PRKCH: variants seen among roughly 807,000 people sequenced by gnomAD.
PRKCH encodes the protein protein kinase C eta type.
A neutral mutation model predicts 82.5 loss-of-function variants in PRKCH; 28 were observed. That is an observed-to-expected ratio of 0.34 (90% CI 0.25 to 0.47). The LOEUF is 0.47. Ranked by LOEUF, PRKCH falls within the 20% of genes least tolerant of loss-of-function variation. PRKCH has a pLI of 1.00. For missense variants in PRKCH, 705 were observed against 881.8 expected (o/e 0.80, Z 2.54); for synonymous variants, 322 against 327.4 (o/e 0.98, Z 0.18).
At chr14:61,255,787 G>T (rs1463399967) in intron 1 of PRKCH, among the ~76,000 whole-genome samples, 2 of 152,172 alleles carry the variant, frequency 1.3e-5, no homozygotes, top group East Asian at 3.9e-4. Context: ...CTTCTCACCT[G>T]GTCTAGACTT....
chr14:61,319,485 G>C (rs1408595229), upstream of PRKCH, among the ~76,000 whole-genome samples: 3 of 152,166 alleles, frequency 2.0e-5, no homozygotes, highest in African/African-American at 7.2e-5. Flanking sequence ...ATAGGGTGAA[G>C]ATGGAGTGTC....
Position 61,193,313 on chromosome 14 carries a change from G to A in PRKCH, c.-19+5645G>A, listed in dbSNP as rs112643010. On this transcript the variant is annotated intron_variant, in intron 1 of 3. Transcript: ENST00000555185. ...TTGAAAATGCAGCAAGAATGTAACAGATTTACATTAAAAATATTTTAGTAT... is the reference window on the plus strand; with the variant it reads ...TTGAAAATGCAGCAAGAATGTAACAAATTTACATTAAAAATATTTTAGTAT... 3.8e-3 allele frequency among the ~76,000 whole-genome samples: 579 copies of A among 152,282 alleles called. 3 individuals are homozygous for A. Among genetic ancestry groups the A allele is most frequent in the African/African-American group, 0.013 (549 of 41,554 alleles).
intron 2 of PRKCH, among the ~76,000 whole-genome samples, chr14:61,396,821 C>T (rs1021915683): frequency 4.6e-5 from 7 of 151,948 alleles, no homozygotes; most frequent in Admixed American, 1.3e-4. Flanking sequence ...CCAGAGATTT[C>T]GGAGGGCTTA....
At chr14:61,299,535 T>C (rs942020608) in intron 1 of PRKCH, among the ~76,000 whole-genome samples, 2 of 152,182 alleles carry the variant, frequency 1.3e-5, no homozygotes, top group Non-Finnish European at 1.5e-5. Context: ...ATTATTATTT[T>C]AGAGAAACAG....
At chr14:61,454,027 T>G (rs1884643147) in intron 7 of PRKCH, among the ~76,000 whole-genome samples, 1 of 152,122 alleles carries the variant, frequency 6.6e-6, no homozygotes, top group South Asian at 2.1e-4. Flanking sequence ...TGACAAGAAA[T>G]AATGAGCATG....
At chr14:61,331,453 A>T (rs1234605144) in intron 1 of PRKCH, among the ~76,000 whole-genome samples, 2 of 152,190 alleles carry the variant, frequency 1.3e-5, no homozygotes, top group Non-Finnish European at 2.9e-5. Context: ...TAGGAGTTCA[A>T]GGCTGCAGTG....
chr14:61,323,570 C>G (rs2045658744), intron 1 of PRKCH, among the ~76,000 whole-genome samples: 4 of 152,070 alleles, frequency 2.6e-5, no homozygotes, highest in Admixed American at 2.6e-4. Context: ...GTGATGAAGG[C>G]TCATTTAGGT....
intron 1 of PRKCH, among the ~76,000 whole-genome samples, chr14:61,373,179 A>G (rs1483717631): frequency 6.6e-6 from 1 of 152,008 alleles, no homozygotes; most frequent in Non-Finnish European, 1.5e-5. Context: ...ACACTGCTAT[A>G]AAGAACTACT....
chr14:61,400,986 T>G (rs1881586419), intron 2 of PRKCH, among the ~76,000 whole-genome samples: 1 of 152,132 alleles, frequency 6.6e-6, no homozygotes, highest in South Asian at 2.1e-4. Flanking sequence ...GCATTTTAGT[T>G]TTTTTCTTTA....
intron 9 of PRKCH, among the ~76,000 whole-genome samples, chr14:61,479,226 T>G (rs1182052419): frequency 1.3e-5 from 2 of 152,206 alleles, no homozygotes; most frequent in Admixed American, 1.3e-4. Context: ...TTCCCACGTT[T>G]ACACTGCAAA....
intron 10 of PRKCH, 102 bp from the exon 11 acceptor site, chr14:61,528,973 C>CGTGTGTGTGTGTGAGT: frequency 3.5e-6 from 2 of 565,718 alleles, no homozygotes; most frequent in South Asian, 6.6e-5. Context: ...TGTGGCCGCA[C>CGTGTGTGTGTGTGAGT]GTGTGTGTGT....
intron 1 of PRKCH, among the ~76,000 whole-genome samples, chr14:61,351,636 G>A (rs756778958): frequency 6.6e-6 from 1 of 152,102 alleles, no homozygotes; most frequent in African/African-American, 2.4e-5. Context: ...TCTGGAGGAC[G>A]CATGTTGGGT....
At chr14:61,218,898 A>T (rs1048656959) in intron 1 of PRKCH, among the ~76,000 whole-genome samples, 4 of 152,226 alleles carry the variant, frequency 2.6e-5, no homozygotes. Flanking sequence ...GTCCTTGCTC[A>T]ATATTAAACC....
intron 1 of PRKCH, among the ~76,000 whole-genome samples, chr14:61,197,670 C>T (rs529490313): frequency 6.5e-4 from 99 of 152,198 alleles, no homozygotes; most frequent in Non-Finnish European, 1.2e-3. Context: ...CCCTCATGAC[C>T]GTATCATCTC....
At chr14:61,310,051 A>G (rs1228903837) in intron 1 of PRKCH, among the ~76,000 whole-genome samples, 1 of 152,114 alleles carries the variant, frequency 6.6e-6, no homozygotes, top group Non-Finnish European at 1.5e-5. Context: ...CCGTGATCCA[A>G]TCACTTCTCT....
intron 9 of PRKCH, among the ~76,000 whole-genome samples, chr14:61,484,337 A>C (rs1229643791): frequency 1.3e-4 from 18 of 140,508 alleles, no homozygotes; most frequent in African/African-American, 4.6e-4. Context: ...CTCACACCAA[A>C]CTCTGTATGG....
At chr14:61,416,043 CTTTTCTTTTCTTTT>C (rs1882531617) in intron 2 of PRKCH, among the ~76,000 whole-genome samples, 1 of 93,914 alleles carries the variant, frequency 1.1e-5, no homozygotes, top group African/African-American at 3.7e-5. Context: ...TTTTTCTTTT[CTTTTCTTTTCTTTT>C]TTTTTTTTTT....
intron 1 of PRKCH, among the ~76,000 whole-genome samples, chr14:61,371,237 A>C (rs2046361362): frequency 6.6e-6 from 1 of 152,108 alleles, no homozygotes; most frequent in Non-Finnish European, 1.5e-5. Context: ...TATACCCAAC[A>C]GTCAGTTTTC....
intron 1 of PRKCH, among the ~76,000 whole-genome samples, chr14:61,257,419 T>C (rs1231174891): frequency 6.6e-6 from 1 of 152,080 alleles, no homozygotes; most frequent in Non-Finnish European, 1.5e-5. Context: ...GCATATAAAT[T>C]GGACTTAGAG....
Sources: allele counts gnomAD v4.1 joint callset (sites outside exome capture counted in the v4.1 genomes callset), GRCh38; gene constraint gnomAD v4.1.1; transcripts MANE v1.5; gene names NCBI Gene and HGNC (gene_info 2026-07-23, HGNC 2026-07-21).